LRRC51: variants seen among roughly 807,000 people sequenced by gnomAD.
LRRC51 encodes the protein leucine-rich repeat-containing protein 51.
A neutral mutation model predicts 17.8 loss-of-function variants in LRRC51; 8 were observed. That is an observed-to-expected ratio of 0.45 (90% confidence interval 0.26 to 0.81). The LOEUF (loss-of-function observed/expected upper bound fraction) is 0.81. Ranked by LOEUF, LRRC51 falls within the 30% of genes least tolerant of loss-of-function variation. The probability of loss-of-function intolerance (pLI) is 0.17; values close to 1 mark genes in which losing one functional copy is unlikely to be tolerated. For synonymous variants in LRRC51, 92 were observed against 96.0 expected, an observed-to-expected ratio of 0.96 and a Z score of 0.24; for missense variants, 233 against 239.3, an observed-to-expected ratio of 0.97 and a Z score of 0.17.
At chr11:72,094,647 C>T in intron 4 of LRRC51, 2 of 696,040 alleles carry the variant, frequency 2.9e-6, no homozygotes, top group East Asian at 5.4e-5. Flanking sequence ...CGTAGATCAC[C>T]AAAGCTGGAA....
chr11:72,087,080 G>A (rs1380626878), intron 1 of LRRC51, among the ~76,000 whole-genome samples: 1 of 152,126 alleles, frequency 6.6e-6, no homozygotes, highest in African/African-American at 2.4e-5. Context: ...GTTCATAACA[G>A]AATTAAGCTG....
Position 72,089,031 on chromosome 11 carries a change from T to G in LRRC51, c.-53T>G. The G allele has an allele frequency of 6.2e-7, 1 of 1,611,948 alleles. No individual in the cohort carries two copies. The highest frequency in any genetic ancestry group is 1.1e-5 in the South Asian group (1 of 90,988). ...CTGGTCTTTCTCTGTCCTCCCAGGC[T>G]GAACCCAGACTCCCAGGGCACCTGC... is the stretch of plus-strand genomic sequence containing the variant. On this transcript the variant is annotated splice_region_variant and 5_prime_UTR_variant, in exon 3 of 6. It removes the in-frame stop codon of an upstream open reading frame in the 5' UTR. Coordinates refer to ENST00000289488, the MANE Select transcript of LRRC51 (RefSeq NM_145309.6).
Position 72,084,818 on chromosome 11 carries a change from CAG to C in LRRC51, c.-139-3476_-139-3475del, listed in dbSNP as rs1345941437. ...CACCATTGCACTCCAGCCTGCACAACAGAGCGAGACCTTGTCTCAAAAAAAAA... is the reference window on the plus strand; with the variant it reads ...CACCATTGCACTCCAGCCTGCACAACAGCGAGACCTTGTCTCAAAAAAAAA... On this transcript the variant is annotated intron_variant, in intron 1 of 5. Transcript: ENST00000289488. Among the ~76,000 whole-genome samples the C allele has an allele frequency of 1.3e-4, 16 of 122,526 alleles. No individual in the cohort carries two copies. In the East Asian group the frequency reaches 3.4e-3, roughly 26 times the overall value. The allele number at this position is 122,526 out of a possible 152,430, so 80.4% of individuals were successfully genotyped here.
intron 4 of LRRC51, chr11:72,094,717 C>G: frequency 1.2e-6 from 1 of 823,010 alleles, no homozygotes; most frequent in Non-Finnish European, 2.0e-6. Flanking sequence ...AGTGCTGGTA[C>G]CCAGGCCCAC....
intron 1 of LRRC51, among the ~76,000 whole-genome samples, chr11:72,083,192 G>T (rs1247227692): frequency 6.6e-6 from 1 of 152,068 alleles, no homozygotes; most frequent in African/African-American, 2.4e-5. Context: ...AATACTATGT[G>T]GTTTCCTATT....
At chr11:72,092,760 G>T (rs1378775751) in intron 3 of LRRC51, among the ~76,000 whole-genome samples, 1 of 152,152 alleles carries the variant, frequency 6.6e-6, no homozygotes, top group Non-Finnish European at 1.5e-5. Flanking sequence ...GCTGTTCCCT[G>T]CCTGTTTACC....
chr11:72,086,095 G>A, intron 1 of LRRC51: 1 of 298,046 alleles, frequency 3.4e-6, no homozygotes, highest in Non-Finnish European at 6.3e-6. Context: ...ATGGATACAG[G>A]GGAGACCATG....
At chr11:72,094,768 C>G (rs759578286) in intron 4 of LRRC51, 180 bp from the exon 5 acceptor site, 1 of 1,167,460 alleles carries the variant, frequency 8.6e-7, no homozygotes. Context: ...CAGTGTGATG[C>G]CCTGTATGTC....
At chr11:72,093,162 A>G (rs1944963425) in intron 3 of LRRC51, among the ~76,000 whole-genome samples, 1 of 152,222 alleles carries the variant, frequency 6.6e-6, no homozygotes, top group Non-Finnish European at 1.5e-5. Flanking sequence ...TTGTGCTATC[A>G]TCTACTCAGC....
intron 1 of LRRC51, chr11:72,085,481 G>A (rs1412533331): frequency 6.6e-6 from 1 of 151,604 alleles, no homozygotes; most frequent in African/African-American, 2.4e-5. Flanking sequence ...AGCTTATAGG[G>A]AGTAAACAAA....
intron 2 of LRRC51, chr11:72,088,828 T>A: frequency 1.7e-6 from 1 of 578,798 alleles, no homozygotes; most frequent in Admixed American, 3.1e-5. Flanking sequence ...TCAAATGAGT[T>A]CTAAGAGATG....
chr11:72,093,935 G>C (rs563232411), intron 4 of LRRC51, among the ~76,000 whole-genome samples: 2 of 152,100 alleles, frequency 1.3e-5, no homozygotes, highest in African/African-American at 4.8e-5. Flanking sequence ...CCTCCCTGTC[G>C]GAAAAATGGG....
At chr11:72,081,596 A>G (rs1030018988) in intron 1 of LRRC51, among the ~76,000 whole-genome samples, 2 of 152,214 alleles carry the variant, frequency 1.3e-5, no homozygotes, top group African/African-American at 2.4e-5. Context: ...ACCCTCTTCC[A>G]AGACATGCGG....
In LRRC51 at chr11:72,095,374, C is replaced by A. The variant is rs1003983425; in HGVS notation, c.438-5C>A. On this transcript the variant is annotated splice_region_variant and splice_polypyrimidine_tract_variant and intron_variant, in intron 5 of 5. Transcript: ENST00000289488. ...GCTGGCCCCCAGCCTAAGTCTTCCC[C>A]ACAGGCAATATGTGCTGTGCACCCT... 1 of 1,613,860 alleles carries A rather than the reference C, an allele frequency of 6.2e-7. No homozygotes were observed. Among genetic ancestry groups the A allele is most frequent in the Admixed American group, 1.7e-5 (1 of 60,008 alleles).
intron 1 of LRRC51, among the ~76,000 whole-genome samples, chr11:72,084,836 C>CAA (rs386374128): frequency 0.022 from 2,202 of 101,546 alleles, 143 homozygotes; most frequent in African/African-American, 0.035. Context: ...GACCTTGTCT[C>CAA]AAAAAAAAAA....
chr11:72,088,425 A>G, intron 2 of LRRC51, 45 bp downstream of exon 2: 1 of 702,238 alleles, frequency 1.4e-6, no homozygotes, highest in Non-Finnish European at 2.6e-6. Flanking sequence ...GTATGTTTAT[A>G]TGTGTATGGC....
Position 72,089,112 on chromosome 11 carries a change from C to T in LRRC51, c.29C>T (p.Ser10Leu), listed in dbSNP as rs1944706339. 7 of 1,614,110 alleles carry T rather than the reference C, an allele frequency of 4.3e-6. No individual in the cohort carries two copies. The highest frequency in any genetic ancestry group is 3.3e-5 in the South Asian group (3 of 91,082). Reference sequence around the variant, plus strand: ...AACAAACGGGACTATATGAACACTTCGGTACAGGAGCCCCCTCTTGACTAC... The same window carrying T: ...AACAAACGGGACTATATGAACACTTTGGTACAGGAGCCCCCTCTTGACTAC... MNKRDYMNT[S>L]VQEPPLDYSF... The change falls in exon 3 of 6, where the codon TCG becomes TTG. Residue 10 changes from serine (S) to leucine (L), a missense_variant. Ser to Leu is a moderately radical substitution (Grantham distance 145, BLOSUM62 -2). Transcript: ENST00000289488.
intron 1 of LRRC51, among the ~76,000 whole-genome samples, chr11:72,081,151 G>T (rs1944158960): frequency 6.6e-6 from 1 of 152,204 alleles, no homozygotes; most frequent in Admixed American, 6.5e-5. Context: ...GGCCGGGAGC[G>T]GTGGCTCACG....
At chr11:72,087,876 A>G (rs957897250) in intron 1 of LRRC51, among the ~76,000 whole-genome samples, 1 of 152,232 alleles carries the variant, frequency 6.6e-6, no homozygotes. Flanking sequence ...TTTAAATTAT[A>G]TATATGGCTT....
Sources: allele counts gnomAD v4.1 joint callset (sites outside exome capture counted in the v4.1 genomes callset), GRCh38; gene constraint gnomAD v4.1.1; transcripts MANE v1.5; gene names NCBI Gene and HGNC (gene_info 2026-07-23, HGNC 2026-07-21).